Variants in SMARCAL1 observed in about 807,000 individuals in gnomAD.
SMARCAL1 encodes the protein SNF2 related chromatin remodeling annealing helicase 1.
SMARCAL1 carries 58 observed loss-of-function variants against 94.5 expected under a neutral mutation model. That is an observed-to-expected ratio of 0.61 (90% CI 0.50 to 0.76). SMARCAL1 has a LOEUF of 0.76. Among genes scored for constraint, SMARCAL1 ranks in the 30% least tolerant of loss-of-function variants. The pLI is 0.00. For missense variants in SMARCAL1, 1,051 were observed against 1,177.9 expected (o/e 0.89, Z 1.58); for synonymous variants, 422 against 455.1 (o/e 0.93, Z 0.93).
intron 5 of SMARCAL1, among the ~76,000 whole-genome samples, chr2:216,422,154 T>TG (rs1693736626): frequency 6.6e-6 from 1 of 152,000 alleles, no homozygotes; most frequent in African/African-American, 2.4e-5. Flanking sequence ...CCAAGGTGGG[T>TG]GGATCACCTG....
intron 7 of SMARCAL1, among the ~76,000 whole-genome samples, chr2:216,430,740 A>T (rs1041504831): frequency 1.3e-5 from 2 of 152,230 alleles, no homozygotes; most frequent in African/African-American, 4.8e-5. Context: ...TATAGATGGT[A>T]AAGCTGAGAA....
chr2:216,426,029 T>A (rs191220827), intron 6 of SMARCAL1, among the ~76,000 whole-genome samples: 1 of 152,316 alleles, frequency 6.6e-6, no homozygotes, highest in East Asian at 1.9e-4. Context: ...GGCCGGCTAA[T>A]TTTTGTATTT....
At position 216,482,606 on chromosome 2, in the gene SMARCAL1, T is replaced by G. The variant is rs1042215921; in HGVS notation, c.2626-132T>G. On this transcript the variant is annotated intron_variant, in intron 17 of 17. Coordinates refer to ENST00000357276, the MANE Select transcript of SMARCAL1 (RefSeq NM_014140.4). This position sits in a 1 kb window ranked among gnomAD's most constrained non-coding sequence, Gnocchi z 4.3. Reference sequence around the variant, plus strand: ...TTGCTGAGATGATGCACACTTGCCATCGTGTAGCTCCCTGACACCATGAAA... The same window carrying G: ...TTGCTGAGATGATGCACACTTGCCAGCGTGTAGCTCCCTGACACCATGAAA... The G allele has an allele frequency of 7.8e-7, 1 of 1,280,292 alleles. No homozygotes were observed. Among genetic ancestry groups the G allele is most frequent in the Non-Finnish European group, 1.1e-6 (1 of 886,830 alleles). 79.3% of individuals were successfully genotyped at this position (1,280,292 alleles called of 1,614,324 possible).
At chr2:216,428,571 C>T (rs779066217) in intron 6 of SMARCAL1, 25 bp from the exon 7 acceptor site, 59 of 1,611,216 alleles carry the variant, frequency 3.7e-5, no homozygotes, top group Middle Eastern at 2.1e-4. Flanking sequence ...CACTCCAGCT[C>T]ATATGCTTCT....
At position 216,447,381 on chromosome 2, in the gene SMARCAL1, C is replaced by T. The variant is rs375663789; in HGVS notation, c.1851+223C>T. On this transcript the variant is annotated intron_variant, in intron 11 of 17. Transcript: ENST00000357276. ...TCTAGTTTTAATGGTTATGGTTATC[C>T]GAAGTCATCGTTTTCCAGTAAGGGG... is the stretch of plus-strand genomic sequence containing the variant. Among the ~76,000 whole-genome samples the T allele has an allele frequency of 2.7e-3, 409 of 152,098 alleles. 15 individuals carry two copies. The South Asian group carries it at 0.082, about 30-fold the overall frequency.
At chr2:216,481,577 C>T (rs1695201826) in intron 17 of SMARCAL1, among the ~76,000 whole-genome samples, 1 of 151,882 alleles carries the variant, frequency 6.6e-6, no homozygotes, top group African/African-American at 2.4e-5. Flanking sequence ...GATGATGGCT[C>T]ACTGCAACCT....
intron 3 of SMARCAL1, chr2:216,415,899 G>A (rs1042430207): frequency 1.1e-5 from 4 of 378,218 alleles, no homozygotes; most frequent in Non-Finnish European, 1.5e-5. Flanking sequence ...CATTGGTCTG[G>A]AAAGGCAGCG....
intron 12 of SMARCAL1, among the ~76,000 whole-genome samples, chr2:216,458,378 C>CA (rs1029761430): frequency 6.6e-6 from 1 of 151,864 alleles, no homozygotes; most frequent in Non-Finnish European, 1.5e-5. Flanking sequence ...AGAGACACAA[C>CA]AAAAAAAGAA....
At chr2:216,417,331 A>G (rs1043427666) in intron 4 of SMARCAL1, among the ~76,000 whole-genome samples, 4 of 151,926 alleles carry the variant, frequency 2.6e-5, no homozygotes, top group African/African-American at 4.8e-5. Context: ...ACAAAGTACC[A>G]CTGACTGGGT....
intron 13 of SMARCAL1, among the ~76,000 whole-genome samples, chr2:216,466,791 A>G (rs552006994): frequency 6.6e-6 from 1 of 152,130 alleles, no homozygotes; most frequent in Non-Finnish European, 1.5e-5. Context: ...GGCAAATTTT[A>G]TGTCTCTCAA....
At chr2:216,452,144 C>G (rs1178063141) in intron 12 of SMARCAL1, among the ~76,000 whole-genome samples, 1 of 152,154 alleles carries the variant, frequency 6.6e-6, no homozygotes, top group Non-Finnish European at 1.5e-5. Context: ...CAGGCATCAT[C>G]TCTTTATTGT....
chr2:216,419,007 G>A (rs1693659787), intron 4 of SMARCAL1, among the ~76,000 whole-genome samples: 1 of 152,116 alleles, frequency 6.6e-6, no homozygotes, highest in Non-Finnish European at 1.5e-5. Context: ...AATTGTTGTT[G>A]TTTATTTTTT....
Position 216,451,032 on chromosome 2 carries a change from G to A in SMARCAL1, c.2038G>A (p.Ala680Thr), listed in dbSNP as rs1194866303. 11 of 1,614,160 alleles carry A rather than the reference G, an allele frequency of 6.8e-6. No individual in the cohort carries two copies. Among genetic ancestry groups the A allele is most frequent in the African/African-American group, 1.3e-5 (1 of 75,060 alleles). Residue 680 changes from alanine to threonine, a missense_variant, in exon 12 of 18, where the codon GCA becomes ACA. Coordinates refer to ENST00000357276, the MANE Select transcript of SMARCAL1 (RefSeq NM_014140.4). ...CAGGACCAGAGCTGCCCTGGATGCTGCAGCCAAGGAAATGACCACCAAGGA... is the reference window on the plus strand; with the variant it reads ...CAGGACCAGAGCTGCCCTGGATGCTACAGCCAAGGAAATGACCACCAAGGA... ...NARTRAALDA[A>T]AKEMTTKDKT... is the part of the protein sequence containing the mutation.
chr2:216,431,198 C>T (rs1013159875), intron 7 of SMARCAL1, among the ~76,000 whole-genome samples: 2 of 152,252 alleles, frequency 1.3e-5, no homozygotes, highest in African/African-American at 2.4e-5. Flanking sequence ...TCTTTGGAAA[C>T]GGTGTTTCCA....
chr2:216,463,095 A>G (rs1180855874), intron 12 of SMARCAL1, among the ~76,000 whole-genome samples: 1 of 152,192 alleles, frequency 6.6e-6, no homozygotes, highest in African/African-American at 2.4e-5. Flanking sequence ...CTGAGTTATC[A>G]AGATCTCAAG....
chr2:216,473,102 C>T (rs1695001428), intron 14 of SMARCAL1, among the ~76,000 whole-genome samples: 1 of 152,096 alleles, frequency 6.6e-6, no homozygotes, highest in South Asian at 2.1e-4. Context: ...AACATATCTG[C>T]CACCCGCTGC....
intron 11 of SMARCAL1, among the ~76,000 whole-genome samples, chr2:216,449,195 A>T (rs188717198): frequency 7.0e-4 from 107 of 152,362 alleles, no homozygotes; most frequent in African/African-American, 2.3e-3. Context: ...GGGACCCACC[A>T]TGATGACCTT....
rs1182416023 is a variant in SMARCAL1, at chr2:216,474,128, C to CTTTTTTTTTTTTTTTTTTTTTTTT, written c.2245-1135_2245-1112dup. Among the ~76,000 whole-genome samples the CTTTTTTTTTTTTTTTTTTTTTTTT allele has an allele frequency of 7.7e-5, 5 of 64,894 alleles. 1 individual carries two copies. Among genetic ancestry groups the CTTTTTTTTTTTTTTTTTTTTTTTT allele is most frequent in the African/African-American group, 2.3e-4 (4 of 17,154 alleles). The allele number at this position is 64,894 out of a possible 152,430, so 42.6% of individuals were successfully genotyped here. The stretch of plus-strand genomic sequence containing the variant: ...ATTTATATAACATTTGTATAGCATT[C>CTTTTTTTTTTTTTTTTTTTTTTTT]TTTTTTTTTTTTTTTTTTTTTTTTT... On this transcript the variant is annotated intron_variant, in intron 14 of 17. Coordinates refer to ENST00000357276, the MANE Select transcript of SMARCAL1 (RefSeq NM_014140.4).
At chr2:216,460,928 A>G (rs911166293) in intron 12 of SMARCAL1, among the ~76,000 whole-genome samples, 1 of 152,220 alleles carries the variant, frequency 6.6e-6, no homozygotes, top group African/African-American at 2.4e-5. Flanking sequence ...AACTGGGGGA[A>G]TTTTGAACAT....
Sources: gnomAD v4.1 joint callset for allele counts (sites outside exome capture counted in the v4.1 genomes callset) on GRCh38, gnomAD v4.1.1 for gene constraint, Gnocchi (gnomAD v3.1) non-coding constraint, MANE v1.5 for transcripts, NCBI Gene and HGNC (gene_info 2026-07-23, HGNC 2026-07-21) for gene names.